The following FBXO42 variants were observed in gnomAD, a reference collection of about 807,000 sequenced individuals.
The protein encoded by FBXO42 is F-box protein 42, also known as F-box only protein 42.
Under a neutral mutation model 71.7 loss-of-function variants are expected in FBXO42, and 12 were observed. The ratio of observed to expected loss-of-function variants is 0.17; its 90% CI spans 0.11 to 0.27. The LOEUF (loss-of-function observed/expected upper bound fraction) is 0.27. FBXO42 is among the 10% of genes least tolerant of loss of function. The pLI, the probability that FBXO42 is intolerant of heterozygous loss-of-function variation, is 1.00. For missense variants in FBXO42, 707 were observed against 911.9 expected (o/e 0.78, Z 2.89); for synonymous variants, 325 against 327.5 (o/e 0.99, Z 0.08).
intron 1 of FBXO42, among the ~76,000 whole-genome samples, chr1:16,322,950 T>C (rs1242517602): frequency 1.3e-5 from 2 of 152,236 alleles, no homozygotes; most frequent in Non-Finnish European, 2.9e-5. Context: ...CATTGCCAGA[T>C]TTGAGGGCAA....
chr1:16,271,119 C>T (rs1040313573), intron 4 of FBXO42, among the ~76,000 whole-genome samples: 3 of 151,924 alleles, frequency 2.0e-5, no homozygotes, highest in Non-Finnish European at 2.9e-5. Context: ...AGAGCAGAGG[C>T]CCAGGTGTGA....
intron 1 of FBXO42, among the ~76,000 whole-genome samples, chr1:16,343,737 C>T (rs532995798): frequency 4.0e-5 from 6 of 151,610 alleles, no homozygotes; most frequent in African/African-American, 9.7e-5. Flanking sequence ...GCAGGAGAAT[C>T]GCTTGAACCC....
intron 4 of FBXO42, among the ~76,000 whole-genome samples, chr1:16,271,855 T>C (rs556522316): frequency 1.3e-5 from 2 of 151,652 alleles, no homozygotes; most frequent in South Asian, 2.1e-4. Context: ...TAGTCCTCTG[T>C]AGGCTGGGCG....
chr1:16,306,683 C>T (rs1311581317), intron 2 of FBXO42, among the ~76,000 whole-genome samples: 2 of 151,958 alleles, frequency 1.3e-5, no homozygotes, highest in East Asian at 1.9e-4. Context: ...AATTAGTTTA[C>T]AATTGATTAT....
chr1:16,322,813 G>A (rs192864605), intron 1 of FBXO42, among the ~76,000 whole-genome samples: 29 of 152,050 alleles, frequency 1.9e-4, no homozygotes, highest in Admixed American at 1.8e-3. Context: ...CTTACTTCAG[G>A]AAGATTTTGT....
intron 1 of FBXO42, among the ~76,000 whole-genome samples, chr1:16,317,431 C>G (rs2082378346): frequency 6.6e-6 from 1 of 150,932 alleles, no homozygotes; most frequent in Admixed American, 6.6e-5. Context: ...AACAAACAAA[C>G]AAAAATCCAA....
chr1:16,268,955 C>T (rs982011543), intron 4 of FBXO42, among the ~76,000 whole-genome samples: 2 of 151,332 alleles, frequency 1.3e-5, no homozygotes, highest in South Asian at 4.2e-4. Context: ...ACTACAGACA[C>T]GCATCACCAC....
intron 1 of FBXO42, among the ~76,000 whole-genome samples, chr1:16,326,040 G>GTGTGTGTGTC (rs1553154828): frequency 6.0e-5 from 9 of 150,388 alleles, no homozygotes; most frequent in African/African-American, 1.7e-4. Flanking sequence ...GTGTGTGTGT[G>GTGTGTGTGTC]TGTGTGTGTC....
chr1:16,348,679 C>A (rs1275232105), intron 1 of FBXO42, among the ~76,000 whole-genome samples: 1 of 151,696 alleles, frequency 6.6e-6, no homozygotes, highest in Admixed American at 6.6e-5. Context: ...CCAGCCTAGG[C>A]GATAGAGCAA....
chr1:16,272,221 G>C (rs1351677058), intron 4 of FBXO42, among the ~76,000 whole-genome samples: 1 of 150,716 alleles, frequency 6.6e-6, no homozygotes, highest in African/African-American at 2.4e-5. Flanking sequence ...CATGAAGTCT[G>C]GCCAGATGTC....
chr1:16,263,166 T>C (rs2081732926), intron 4 of FBXO42, among the ~76,000 whole-genome samples: 1 of 151,988 alleles, frequency 6.6e-6, no homozygotes, highest in East Asian at 1.9e-4. Flanking sequence ...AAGCAAGCCA[T>C]TTAAAGAGTG....
intron 4 of FBXO42, among the ~76,000 whole-genome samples, chr1:16,272,541 G>A (rs190275977): frequency 6.6e-6 from 1 of 152,112 alleles, no homozygotes; most frequent in African/African-American, 2.4e-5. Context: ...TTACAGGCGT[G>A]AGCCACCGTG....
rs757044515 is a variant in FBXO42, at chr1:16,247,849, G to A, written c.*2821C>T. On this transcript the variant is annotated 3_prime_UTR_variant, in exon 10 of 10. Transcript: ENST00000375592. The stretch of plus-strand genomic sequence containing the variant: ...AACCTGTGAAATAAGAGAACAGGAA[G>A]CTCTGTCCAAGAGGGTAGGGAGAGA... 6.6e-6 allele frequency: 1 copy of A among 152,206 alleles called. No individual in the cohort carries two copies. The highest frequency in any genetic ancestry group is 1.5e-5 in the Non-Finnish European group (1 of 68,046). 9.4% of individuals were successfully genotyped at this position (152,206 alleles called of 1,614,324 possible).
chr1:16,332,097 A>G (rs2082506500), intron 1 of FBXO42, among the ~76,000 whole-genome samples: 1 of 152,114 alleles, frequency 6.6e-6, no homozygotes, highest in Non-Finnish European at 1.5e-5. Context: ...GTTGCTGGTT[A>G]TATCTCATTA....
At chr1:16,268,604 A>C (rs1243910861) in intron 4 of FBXO42, among the ~76,000 whole-genome samples, 1 of 152,106 alleles carries the variant, frequency 6.6e-6, no homozygotes, top group Admixed American at 6.5e-5. Flanking sequence ...GAGCTAATAT[A>C]ATAACTTAAA....
chr1:16,338,391 C>T (rs2082573051), intron 1 of FBXO42, among the ~76,000 whole-genome samples: 1 of 148,752 alleles, frequency 6.7e-6, no homozygotes. Context: ...AACAATGTTG[C>T]ATGACATCTT....
At chr1:16,330,505 C>T (rs1249865327) in intron 1 of FBXO42, among the ~76,000 whole-genome samples, 1 of 151,778 alleles carries the variant, frequency 6.6e-6, no homozygotes, top group East Asian at 1.9e-4. Flanking sequence ...AGATCCTGTC[C>T]CCCACAAAAA....
At chr1:16,260,400 G>A (rs892106956) in intron 4 of FBXO42, among the ~76,000 whole-genome samples, 1 of 151,868 alleles carries the variant, frequency 6.6e-6, no homozygotes, top group African/African-American at 2.4e-5. Flanking sequence ...GTAGAGACGG[G>A]GTTTCACCAT....
intron 1 of FBXO42, among the ~76,000 whole-genome samples, chr1:16,333,564 G>C (rs2082523350): frequency 1.3e-5 from 2 of 152,002 alleles, no homozygotes; most frequent in African/African-American, 2.4e-5. Context: ...ACTCCAGCCT[G>C]TGACAGTGCA....
Sources: gnomAD v4.1 joint callset for allele counts (sites outside exome capture counted in the v4.1 genomes callset) on GRCh38, gnomAD v4.1.1 for gene constraint, MANE v1.5 for transcripts, NCBI Gene and HGNC (gene_info 2026-07-23, HGNC 2026-07-21) for gene names.